The following ROBO2 variants were observed in gnomAD, a reference collection of about 807,000 sequenced individuals.
ROBO2 encodes the protein roundabout guidance receptor 2.
A neutral mutation model predicts 160.8 loss-of-function variants in ROBO2; 53 were observed. That is an observed-to-expected ratio of 0.33 (90% confidence interval 0.26 to 0.41). The LOEUF (loss-of-function observed/expected upper bound fraction) is 0.41, where lower values mean the gene tolerates loss of function less well. ROBO2 is among the 10% of genes least tolerant of loss of function. The pLI, the probability that ROBO2 is intolerant of heterozygous loss-of-function variation, is 1.00. For synonymous variants in ROBO2, 664 were observed against 611.7 expected (o/e 1.09, Z -1.26); for missense variants, 1,577 against 1,722.4 (o/e 0.92, Z 1.49).
At chr3:75,981,733 A>G (rs993195502) in intron 2 of ROBO2, among the ~76,000 whole-genome samples, 3 of 151,400 alleles carry the variant, frequency 2.0e-5, no homozygotes, top group East Asian at 3.9e-4. Flanking sequence ...AGAATGGGGT[A>G]TCCATTCCCT....
At chr3:76,475,127 G>T (rs530273219) in intron 2 of ROBO2, among the ~76,000 whole-genome samples, 275 of 151,990 alleles carry the variant, frequency 1.8e-3, no homozygotes, top group Non-Finnish European at 3.3e-3. Flanking sequence ...AAAAAAGGGG[G>T]TAATATGAGA....
chr3:76,872,951 C>A (rs532291391), intron 2 of ROBO2, among the ~76,000 whole-genome samples: 1 of 152,012 alleles, frequency 6.6e-6, no homozygotes, highest in Non-Finnish European at 1.5e-5. Flanking sequence ...TAGATACTGG[C>A]AATTTTAAAA....
At chr3:77,193,520 G>GT (rs1250543632) in intron 2 of ROBO2, among the ~76,000 whole-genome samples, 1 of 150,204 alleles carries the variant, frequency 6.7e-6, no homozygotes, top group Non-Finnish European at 1.5e-5. Flanking sequence ...CTAACCTCAA[G>GT]TGATTCCAAC....
intron 2 of ROBO2, among the ~76,000 whole-genome samples, chr3:77,254,015 T>A (rs2153312259): frequency 6.6e-6 from 1 of 152,368 alleles, no homozygotes; most frequent in East Asian, 1.9e-4. Flanking sequence ...AGTCAGCATT[T>A]AATTCATTTG....
At chr3:76,744,145 A>C (rs577740983) in intron 2 of ROBO2, among the ~76,000 whole-genome samples, 1 of 152,288 alleles carries the variant, frequency 6.6e-6, no homozygotes, top group African/African-American at 2.4e-5. Flanking sequence ...AGAGTTCGTT[A>C]GTTTTCTAGA....
chr3:76,411,034 A>T (rs913924868), intron 2 of ROBO2, among the ~76,000 whole-genome samples: 1 of 152,096 alleles, frequency 6.6e-6, no homozygotes, highest in Non-Finnish European at 1.5e-5. Flanking sequence ...TTTTAATGAT[A>T]GGTTATCATG....
intron 2 of ROBO2, among the ~76,000 whole-genome samples, chr3:76,811,771 TTCCC>T (rs2065173358): frequency 6.8e-6 from 1 of 147,636 alleles, no homozygotes; most frequent in Admixed American, 6.8e-5. Flanking sequence ...CTTTCTCTCT[TTCCC>T]TCCTTCCTTC....
intron 1 of ROBO2, among the ~76,000 whole-genome samples, chr3:77,062,355 T>C (rs1408271999): frequency 6.6e-6 from 1 of 152,080 alleles, no homozygotes; most frequent in Non-Finnish European, 1.5e-5. Context: ...TAAAGGCTCC[T>C]GACAGAATGC....
At chr3:76,510,400 G>T (rs2081025875) in intron 2 of ROBO2, among the ~76,000 whole-genome samples, 1 of 152,168 alleles carries the variant, frequency 6.6e-6, no homozygotes, top group Admixed American at 6.5e-5. Flanking sequence ...AACTGTTGAA[G>T]TTCTATGCTG....
chr3:76,655,174 TGCTGATTTTTATC>T (rs962601089), intron 2 of ROBO2, among the ~76,000 whole-genome samples: 1 of 150,126 alleles, frequency 6.7e-6, no homozygotes, highest in Admixed American at 6.6e-5. Flanking sequence ...GGGGTGGAAT[TGCTGATTTTTATC>T]GTAAGAGAAT....
At chr3:77,268,541 A>T (rs2059282004) in intron 2 of ROBO2, among the ~76,000 whole-genome samples, 1 of 152,204 alleles carries the variant, frequency 6.6e-6, no homozygotes, top group Non-Finnish European at 1.5e-5. Context: ...ATTGCTGCTT[A>T]TCTATTAACT....
Position 77,594,415 on chromosome 3 carries a change from A to G in ROBO2, c.2684-727A>G, listed in dbSNP as rs1263837974. ...TTGTTAGGTTTGTAGGCTTGAAACTATCGGCTGGAGAGAGTGGCTTCACTG... is the reference window on the plus strand; with the variant it reads ...TTGTTAGGTTTGTAGGCTTGAAACTGTCGGCTGGAGAGAGTGGCTTCACTG... On this transcript the variant is annotated intron_variant, in intron 17 of 25. Coordinates refer to ENST00000461745, the Ensembl canonical transcript of ROBO2. Among the ~76,000 whole-genome samples, 6 of 152,114 alleles carry G rather than the reference A, an allele frequency of 3.9e-5. No homozygotes were observed. The East Asian group carries it at 5.8e-4, about 15-fold the overall frequency.
At chr3:76,900,685 G>A (rs776568008) in intron 2 of ROBO2, among the ~76,000 whole-genome samples, 8 of 152,170 alleles carry the variant, frequency 5.3e-5, no homozygotes, top group Non-Finnish European at 1.2e-4. Context: ...AGAAGCTGCT[G>A]TTGATTATTA....
intron 1 of ROBO2, among the ~76,000 whole-genome samples, chr3:75,908,906 T>C (rs999579930): frequency 3.3e-5 from 5 of 152,182 alleles, no homozygotes; most frequent in African/African-American, 1.2e-4. Flanking sequence ...ACAGGCCACA[T>C]TTAGCTGTGT....
At chr3:77,204,607 A>T (rs895605619) in intron 2 of ROBO2, among the ~76,000 whole-genome samples, 7 of 152,204 alleles carry the variant, frequency 4.6e-5, no homozygotes, top group Admixed American at 2.0e-4. Flanking sequence ...TCTAATAAAC[A>T]TAGAAAAATA....
At chr3:76,719,883 C>A (rs1435996433) in intron 2 of ROBO2, among the ~76,000 whole-genome samples, 19 of 130,230 alleles carry the variant, frequency 1.5e-4, no homozygotes, top group South Asian at 2.5e-4. Flanking sequence ...GACTGTGTCT[C>A]AAAAAAAAAA....
intron 2 of ROBO2, among the ~76,000 whole-genome samples, chr3:77,388,987 C>G (rs2074421855): frequency 6.6e-6 from 1 of 152,146 alleles, no homozygotes; most frequent in Non-Finnish European, 1.5e-5. Context: ...TCTTGTTGCC[C>G]AGGCTGGAGT....
intron 2 of ROBO2, among the ~76,000 whole-genome samples, chr3:75,955,864 C>T (rs971759798): frequency 1.3e-5 from 2 of 151,524 alleles, no homozygotes; most frequent in Admixed American, 1.3e-4. Context: ...TCTCACTGTG[C>T]CCTTTCTTAA....
chr3:76,243,782 A>G (rs1705448786), intron 2 of ROBO2, among the ~76,000 whole-genome samples: 1 of 152,212 alleles, frequency 6.6e-6, no homozygotes, highest in South Asian at 2.1e-4. Context: ...TTATGCAGTG[A>G]ACAAATATAA....
Sources: gnomAD v4.1 joint callset for allele counts (sites outside exome capture counted in the v4.1 genomes callset) on GRCh38, gnomAD v4.1.1 for gene constraint, MANE v1.5 for transcripts, NCBI Gene and HGNC (gene_info 2026-07-23, HGNC 2026-07-21) for gene names.